Variants in RAD21L1 observed in about 807,000 individuals in gnomAD.
RAD21L1 encodes RAD21 cohesin complex component like 1.
A neutral mutation model predicts 69.0 loss-of-function variants in RAD21L1; 47 were observed. That is an observed-to-expected ratio of 0.68 (90% CI 0.54 to 0.87). The LOEUF (loss-of-function observed/expected upper bound fraction) is 0.87, where lower values mean the gene tolerates loss of function less well. RAD21L1 is among the 40% of genes least tolerant of loss of function. The pLI is 0.00. For synonymous variants in RAD21L1, 177 were observed against 205.8 expected (o/e 0.86, Z 1.20); for missense variants, 583 against 647.6 (o/e 0.90, Z 1.08).
chr20:1,255,644 A>C lies in RAD21L1; in HGVS notation c.*1187A>C, dbSNP rs2087920292. On this transcript the variant is annotated 3_prime_UTR_variant, in exon 14 of 14. Transcript: ENST00000683101. ...TTGGTGCACAGTTCTGTGAATTTTA[A>C]CATATTTGTAGAGTCCTGTAACCAT... Among the ~76,000 whole-genome samples the C allele has an allele frequency of 6.6e-6, 1 of 152,210 alleles. No homozygotes were observed. The highest frequency in any genetic ancestry group is 6.5e-5 in the Admixed American group (1 of 15,290).
At chr20:1,236,900 A>G (rs17717060) in intron 5 of RAD21L1, among the ~76,000 whole-genome samples, 6,722 of 152,296 alleles carry the variant, frequency 0.044, 186 homozygotes, top group Middle Eastern at 0.065. Flanking sequence ...CTGAGAATAT[A>G]GTGTCTTCAT....
At chr20:1,238,590 A>G (rs1211295375) in intron 6 of RAD21L1, among the ~76,000 whole-genome samples, 1 of 151,866 alleles carries the variant, frequency 6.6e-6, no homozygotes, top group Non-Finnish European at 1.5e-5. Context: ...ATTTTCCAGA[A>G]TTTTATATTA....
chr20:1,231,398 G>A, intron 3 of RAD21L1, 128 bp from the exon 4 acceptor site: 1 of 644,734 alleles, frequency 1.6e-6, no homozygotes, highest in Non-Finnish European at 2.8e-6. Flanking sequence ...CTACACAAGG[G>A]TAGGAGTAGA....
At chr20:1,236,765 C>T (rs2087502653) in intron 5 of RAD21L1, among the ~76,000 whole-genome samples, 1 of 152,162 alleles carries the variant, frequency 6.6e-6, no homozygotes. Flanking sequence ...CTGCTTCAAA[C>T]CTAATGTCCT....
At chr20:1,234,397 A>T (rs1436759506) in intron 5 of RAD21L1, among the ~76,000 whole-genome samples, 1 of 152,174 alleles carries the variant, frequency 6.6e-6, no homozygotes. Flanking sequence ...TCAGTGTATA[A>T]CCATTTACTG....
At chr20:1,237,993 C>T (rs1328477480) in intron 5 of RAD21L1, 51 bp from the exon 6 acceptor site, 1 of 1,026,860 alleles carries the variant, frequency 9.7e-7, no homozygotes, top group African/African-American at 1.6e-5. Flanking sequence ...CCTTCTAACC[C>T]TATAATTCTG....
chr20:1,245,678 C>G (rs2087703617), intron 11 of RAD21L1, among the ~76,000 whole-genome samples: 1 of 152,040 alleles, frequency 6.6e-6, no homozygotes, highest in Non-Finnish European at 1.5e-5. Flanking sequence ...TGTCTTCACT[C>G]CCCTTCCAAC....
chr20:1,254,046 C>A (rs547841672), intron 13 of RAD21L1, among the ~76,000 whole-genome samples: 1 of 152,258 alleles, frequency 6.6e-6, no homozygotes, highest in South Asian at 2.1e-4. Flanking sequence ...TATAACACTT[C>A]GGAATTCTTT....
intron 11 of RAD21L1, among the ~76,000 whole-genome samples, chr20:1,245,551 G>T (rs887115446): frequency 6.6e-6 from 1 of 152,170 alleles, no homozygotes; most frequent in Admixed American, 6.6e-5. Context: ...GACAGCTGGG[G>T]AATGAAGCTT....
chr20:1,241,781 G>A (rs1222809040), intron 8 of RAD21L1, among the ~76,000 whole-genome samples: 1 of 152,158 alleles, frequency 6.6e-6, no homozygotes, highest in Non-Finnish European at 1.5e-5. Flanking sequence ...CAGCAAGCAG[G>A]TTCCTGTACA....
intron 8 of RAD21L1, 49 bp downstream of exon 8, chr20:1,240,483 TA>T: frequency 1.3e-6 from 2 of 1,507,742 alleles, no homozygotes; most frequent in Non-Finnish European, 1.8e-6. Context: ...ACTGTTAACT[TA>T]TTTACTTTGA....
chr20:1,231,159 A>G (rs996825207), intron 3 of RAD21L1, among the ~76,000 whole-genome samples: 6 of 152,228 alleles, frequency 3.9e-5, no homozygotes, highest in African/African-American at 1.2e-4. Flanking sequence ...TGCAAGAGCA[A>G]AGGTCTTGAG....
Position 1,244,113 on chromosome 20 carries a change from G to A in RAD21L1, c.1251G>A (p.Val417=), listed in dbSNP as rs1364860892. Residue 417 remains valine (V), a synonymous_variant, in exon 11 of 14, where the codon GTG becomes GTA. Transcript: ENST00000683101. ...ELSKPQTWKD[V]IGGSQHSSHE... is the part of the protein sequence containing the mutation. ...GTAAACCCCAAACTTGGAAGGATGTGATTGGTGGATCTCAGCATAGCTCTC... is the reference window on the plus strand; with the variant it reads ...GTAAACCCCAAACTTGGAAGGATGTAATTGGTGGATCTCAGCATAGCTCTC... The A allele has an allele frequency of 1.3e-6, 2 of 1,549,770 alleles. No individual in the cohort carries two copies. The highest frequency in any genetic ancestry group is 1.7e-6 in the Non-Finnish European group (2 of 1,145,354).
At chr20:1,238,987 C>A (rs2087553358) in intron 6 of RAD21L1, among the ~76,000 whole-genome samples, 1 of 152,032 alleles carries the variant, frequency 6.6e-6, no homozygotes, top group Non-Finnish European at 1.5e-5. Flanking sequence ...CAATGTCCAG[C>A]TAATTTTTTT....
At chr20:1,254,191 T>G (rs2087889082) in intron 13 of RAD21L1, 78 bp from the exon 14 acceptor site, 4 of 945,802 alleles carry the variant, frequency 4.2e-6, no homozygotes, top group Non-Finnish European at 6.0e-6. Context: ...TTTTGTTGTT[T>G]ATTACGCATT....
At chr20:1,230,073 A>G in intron 3 of RAD21L1, 64 bp downstream of exon 3, 3 of 1,234,784 alleles carry the variant, frequency 2.4e-6, no homozygotes, top group Non-Finnish European at 3.4e-6. Context: ...TGGGGGTGGG[A>G]TCTTTTAATA....
intron 4 of RAD21L1, among the ~76,000 whole-genome samples, 188 bp from the exon 5 acceptor site, chr20:1,233,897 A>C (rs2087443865): frequency 6.6e-6 from 1 of 152,344 alleles, no homozygotes; most frequent in African/African-American, 2.4e-5. Flanking sequence ...TAAGGGACTG[A>C]AAATTGACCA....
Position 1,255,014 on chromosome 20 carries a change from T to C in RAD21L1, c.*557T>C, listed in dbSNP as rs1434195128. Among the ~76,000 whole-genome samples the C allele has an allele frequency of 2.0e-5, 3 of 152,172 alleles. No homozygotes were observed. Among genetic ancestry groups the C allele is most frequent in the African/African-American group, 7.2e-5 (3 of 41,430 alleles). On this transcript the variant is annotated 3_prime_UTR_variant, in exon 14 of 14. Transcript: ENST00000683101. The stretch of plus-strand genomic sequence containing the variant: ...GAATTTTATGGGGTTAATGAAAACA[T>C]CATTATTTCTACACAGACTATTTGG...
intron 13 of RAD21L1, among the ~76,000 whole-genome samples, chr20:1,252,107 A>G (rs1366424780): frequency 6.6e-6 from 1 of 152,174 alleles, no homozygotes. Flanking sequence ...TCATGGGTAC[A>G]ATGAAAAACT....
Sources: allele counts gnomAD v4.1 joint callset (sites outside exome capture counted in the v4.1 genomes callset), GRCh38; gene constraint gnomAD v4.1.1; transcripts MANE v1.5; gene names NCBI Gene and HGNC (gene_info 2026-07-23, HGNC 2026-07-21).